Variants in SRL observed in about 807,000 individuals in gnomAD.
The protein encoded by SRL is sarcalumenin.
In SRL, 23 loss-of-function variants were observed where a neutral mutation model predicts 39.5. The ratio of observed to expected loss-of-function variants is 0.58; its 90% confidence interval spans 0.42 to 0.82. SRL has a LOEUF of 0.82. SRL is among the 40% of genes least tolerant of loss of function. SRL has a pLI of 0.00. For missense variants in SRL, 592 were observed against 607.8 expected, an observed-to-expected ratio of 0.97 and a Z score of 0.27; for synonymous variants, 272 against 237.4, an observed-to-expected ratio of 1.15 and a Z score of -1.34.
intron 1 of SRL, among the ~76,000 whole-genome samples, chr16:4,226,956 A>G (rs1003291643): frequency 1.3e-5 from 2 of 149,912 alleles, no homozygotes; most frequent in Non-Finnish European, 3.0e-5. Flanking sequence ...GGATGAGTAG[A>G]TGCATGGACG....
Position 4,197,869 on chromosome 16 carries a change from C to G in SRL, c.306G>C (p.Trp102Cys). The change falls in exon 4 of 6, where the codon TGG becomes TGC. Residue 102 changes from tryptophan to cysteine, a missense_variant. Coordinates refer to ENST00000399609, the MANE Select transcript of SRL (RefSeq NM_001098814.2). ...TTATCATGGTAGATTTACCAACACT[C>G]CACGGTCCCAGGAACAGTACCATGG... is the stretch of plus-strand genomic sequence containing the variant. ...SKPMVLFLGP[W>C]SVGKSTMINY... 1 of 1,614,154 alleles carries G rather than the reference C, an allele frequency of 6.2e-7. No homozygotes were observed. The highest frequency in any genetic ancestry group is 8.5e-7 in the Non-Finnish European group (1 of 1,179,986).
Sources: gnomAD v4.1 joint callset for allele counts (sites outside exome capture counted in the v4.1 genomes callset) on GRCh38, gnomAD v4.1.1 for gene constraint, MANE v1.5 for transcripts, NCBI Gene and HGNC (gene_info 2026-07-23, HGNC 2026-07-21) for gene names.